GPC5: variants seen among roughly 807,000 people sequenced by gnomAD.
GPC5 encodes glypican-5.
In GPC5, 47 loss-of-function variants were observed where a neutral mutation model predicts 53.9. The ratio of observed to expected loss-of-function variants is 0.87; its 90% CI spans 0.69 to 1.11. The LOEUF is 1.11. Among genes scored for constraint, GPC5 ranks in the 50% most tolerant of loss-of-function variants. The pLI is 0.00. For synonymous variants in GPC5, 286 were observed against 263.3 expected (o/e 1.09, Z -0.84); for missense variants, 748 against 713.1 (o/e 1.05, Z -0.56).
chr13:92,031,760 CATATT>C (rs1437667085), intron 6 of GPC5, among the ~76,000 whole-genome samples: 1 of 33,936 alleles, frequency 2.9e-5, no homozygotes, highest in African/African-American at 1.5e-4. Flanking sequence ...TATTATATTA[CATATT>C]ATATATAATA....
chr13:91,746,006 G>A (rs928926080), intron 4 of GPC5, among the ~76,000 whole-genome samples: 3 of 152,078 alleles, frequency 2.0e-5, no homozygotes, highest in African/African-American at 7.2e-5. Context: ...TAAATATTTT[G>A]TCAAATAGAA....
intron 6 of GPC5, among the ~76,000 whole-genome samples, chr13:92,047,272 T>G (rs1301529438): frequency 6.6e-6 from 1 of 152,086 alleles, no homozygotes; most frequent in Non-Finnish European, 1.5e-5. Context: ...CAACATTAAT[T>G]AAATCATCTT....
chr13:92,825,231 T>A (rs1877806587), intron 7 of GPC5, among the ~76,000 whole-genome samples: 1 of 152,100 alleles, frequency 6.6e-6, no homozygotes, highest in Non-Finnish European at 1.5e-5. Flanking sequence ...TCAAAAGGCA[T>A]TAAGAATGAA....
chr13:92,710,842 TG>T (rs1244694882), intron 7 of GPC5, among the ~76,000 whole-genome samples: 3 of 152,190 alleles, frequency 2.0e-5, no homozygotes, highest in African/African-American at 7.2e-5. Context: ...AAACACCTAA[TG>T]ATATCCTAGG....
At chr13:91,945,428 T>A (rs984128487) in intron 6 of GPC5, among the ~76,000 whole-genome samples, 7 of 152,226 alleles carry the variant, frequency 4.6e-5, no homozygotes, top group African/African-American at 1.7e-4. Context: ...TTAAAATTTA[T>A]GTTGGAATGT....
intron 6 of GPC5, among the ~76,000 whole-genome samples, chr13:92,105,426 T>C (rs1285491513): frequency 1.3e-5 from 2 of 152,128 alleles, no homozygotes; most frequent in African/African-American, 4.8e-5. Context: ...ACACTTTCAT[T>C]TGATATTTAC....
intron 2 of GPC5, among the ~76,000 whole-genome samples, chr13:91,584,158 C>T (rs1260040261): frequency 6.6e-6 from 1 of 152,130 alleles, no homozygotes; most frequent in Admixed American, 6.6e-5. Context: ...AGAAACCAGT[C>T]CTGAAGACAC....
intron 5 of GPC5, among the ~76,000 whole-genome samples, chr13:91,877,187 G>A (rs2039212423): frequency 6.6e-6 from 1 of 152,236 alleles, no homozygotes; most frequent in Admixed American, 6.5e-5. Context: ...CAGTGTGGAA[G>A]GGAAATGTGG....
chr13:92,466,156 T>C (rs949124450), intron 7 of GPC5, among the ~76,000 whole-genome samples: 2 of 147,674 alleles, frequency 1.4e-5, no homozygotes, highest in African/African-American at 2.5e-5. Flanking sequence ...CATCATATTA[T>C]ACCCCATAAA....
At chr13:91,482,196 A>C (rs183198413) in intron 2 of GPC5, among the ~76,000 whole-genome samples, 19 of 152,150 alleles carry the variant, frequency 1.2e-4, no homozygotes, top group Non-Finnish European at 1.6e-4. Flanking sequence ...AGGATGGTAT[A>C]CTGCTACAAA....
At chr13:91,595,142 C>T (rs1390173148) in intron 2 of GPC5, among the ~76,000 whole-genome samples, 1 of 151,882 alleles carries the variant, frequency 6.6e-6, no homozygotes, top group East Asian at 1.9e-4. Flanking sequence ...TTCCCCCTCC[C>T]GAGTAGCTGG....
chr13:91,959,709 TATAAC>T (rs71847085), intron 6 of GPC5, among the ~76,000 whole-genome samples: 4,451 of 152,012 alleles, frequency 0.029, 197 homozygotes, highest in African/African-American at 0.1. Flanking sequence ...TTTCAAATAA[TATAAC>T]ATAAGATTTC....
chr13:92,380,809 G>A (rs1439271774), intron 7 of GPC5, among the ~76,000 whole-genome samples: 5 of 151,262 alleles, frequency 3.3e-5, no homozygotes, highest in African/African-American at 9.7e-5. Context: ...CCTAATGCTA[G>A]ATGACGAGTT....
chr13:92,544,798 C>T, intron 7 of GPC5, among the ~76,000 whole-genome samples: 1 of 151,912 alleles, frequency 6.6e-6, no homozygotes, highest in East Asian at 1.9e-4. Context: ...AATTTAGTTT[C>T]CACATTATTT....
chr13:91,988,658 C>T lies in GPC5; in HGVS notation c.1401+80601C>T, dbSNP rs542723179. On this transcript the variant is annotated intron_variant, in intron 6 of 7. Transcript: ENST00000377067. The stretch of plus-strand genomic sequence containing the variant: ...AGCTAGCACAATTTCTGATTGGTCA[C>T]GATTTTAGCTATCATGGAAATTTAA... Among the ~76,000 whole-genome samples, 6 of 152,206 alleles carry T rather than the reference C, an allele frequency of 3.9e-5. No homozygotes were observed. In the South Asian group the frequency reaches 1.0e-3, roughly 26 times the overall value.
At chr13:92,217,803 T>C (rs924514096) in intron 7 of GPC5, among the ~76,000 whole-genome samples, 3 of 151,938 alleles carry the variant, frequency 2.0e-5, no homozygotes, top group African/African-American at 7.3e-5. Context: ...GCATTCAGAA[T>C]GCCAGATAAC....
chr13:91,880,189 TAA>T (rs1317038544), intron 5 of GPC5, among the ~76,000 whole-genome samples: 3 of 152,108 alleles, frequency 2.0e-5, no homozygotes, highest in Admixed American at 6.5e-5. Flanking sequence ...AAAATTAAAT[TAA>T]GATTCATTTA....
At position 92,529,436 on chromosome 13, in the gene GPC5, T is replaced by C. The variant is rs909236698; in HGVS notation, c.1562-336846T>C. Among the ~76,000 whole-genome samples, 32 of 152,200 alleles carry C rather than the reference T, an allele frequency of 2.1e-4. 1 individual carries two copies. Among genetic ancestry groups the C allele is most frequent in the African/African-American group, 7.7e-4 (32 of 41,456 alleles). On this transcript the variant is annotated intron_variant, in intron 7 of 7. Coordinates refer to ENST00000377067, the MANE Select transcript of GPC5 (RefSeq NM_004466.6). ...ATTATTTAAGGTCTTATAATAAACA[T>C]ATTTTTACATATCAAATCTCCAGTA...
intron 7 of GPC5, among the ~76,000 whole-genome samples, chr13:92,638,771 G>A (rs1282895284): frequency 6.6e-6 from 1 of 152,188 alleles, no homozygotes; most frequent in African/African-American, 2.4e-5. Flanking sequence ...ACAAGGGGCA[G>A]AGTACTCGTC....
Sources: allele counts gnomAD v4.1 joint callset (sites outside exome capture counted in the v4.1 genomes callset), GRCh38; gene constraint gnomAD v4.1.1; transcripts MANE v1.5; gene names NCBI Gene and HGNC (gene_info 2026-07-23, HGNC 2026-07-21).